CNTN5: variants seen among roughly 807,000 people sequenced by gnomAD.
CNTN5 encodes the protein contactin-5.
A neutral mutation model predicts 129.1 loss-of-function variants in CNTN5; 77 were observed. The ratio of observed to expected loss-of-function variants is 0.60; its 90% CI spans 0.50 to 0.72. The LOEUF (loss-of-function observed/expected upper bound fraction) is 0.72, where lower values mean the gene tolerates loss of function less well. Among genes scored for constraint, CNTN5 ranks in the 30% least tolerant of loss-of-function variants. CNTN5 has a pLI of 0.00. For missense variants in CNTN5, 1,478 were observed against 1,328.8 expected (o/e 1.11, Z -1.75); for synonymous variants, 509 against 465.6 (o/e 1.09, Z -1.20).
intron 3 of CNTN5, among the ~76,000 whole-genome samples, chr11:99,622,692 A>G (rs1950990500): frequency 6.6e-6 from 1 of 152,110 alleles, no homozygotes; most frequent in African/African-American, 2.4e-5. Flanking sequence ...ATTTCATTGT[A>G]TTCTTAAATT....
intron 9 of CNTN5, among the ~76,000 whole-genome samples, chr11:100,036,033 G>C (rs946035171): frequency 3.9e-5 from 6 of 152,224 alleles, no homozygotes; most frequent in Admixed American, 3.9e-4. Context: ...GAGACGTGAA[G>C]TCCTTGCCCA....
chr11:99,480,683 T>C (rs564593353), intron 2 of CNTN5, among the ~76,000 whole-genome samples: 1 of 152,308 alleles, frequency 6.6e-6, no homozygotes, highest in South Asian at 2.1e-4. Flanking sequence ...ACTATTGAAA[T>C]TCATAACTTC....
At chr11:99,858,787 A>G (rs1235943676) in intron 6 of CNTN5, among the ~76,000 whole-genome samples, 1 of 151,902 alleles carries the variant, frequency 6.6e-6, no homozygotes, top group Non-Finnish European at 1.5e-5. Context: ...AAATATTATT[A>G]CCAACTTGCA....
intron 1 of CNTN5, among the ~76,000 whole-genome samples, chr11:99,274,820 C>A (rs897176280): frequency 5.3e-5 from 8 of 151,334 alleles, no homozygotes; most frequent in African/African-American, 1.9e-4. Flanking sequence ...CTCCCAGATG[C>A]TGTAAGAAAA....
intron 7 of CNTN5, among the ~76,000 whole-genome samples, chr11:99,948,290 T>G (rs1950597863): frequency 6.6e-6 from 1 of 152,224 alleles, no homozygotes; most frequent in Non-Finnish European, 1.5e-5. Flanking sequence ...GCTTTTACAT[T>G]TATGAACATC....
At chr11:99,611,167 A>T (rs530840917) in intron 3 of CNTN5, among the ~76,000 whole-genome samples, 2 of 152,328 alleles carry the variant, frequency 1.3e-5, no homozygotes, top group East Asian at 3.9e-4. Context: ...GTACCTTCAT[A>T]CATCAAAAAG....
chr11:99,374,876 G>C (rs1403575537), intron 2 of CNTN5, among the ~76,000 whole-genome samples: 2 of 152,088 alleles, frequency 1.3e-5, no homozygotes, highest in African/African-American at 4.8e-5. Context: ...GTTGATACAC[G>C]GTGAAGGTTT....
chr11:99,122,200 G>A (rs570193063), intron 1 of CNTN5, among the ~76,000 whole-genome samples: 1 of 151,914 alleles, frequency 6.6e-6, no homozygotes, highest in Admixed American at 6.6e-5. Context: ...TTTCTGAGAA[G>A]GTCCATACAG....
intron 1 of CNTN5, among the ~76,000 whole-genome samples, chr11:99,044,432 C>A (rs112066642): frequency 6.6e-6 from 1 of 152,104 alleles, no homozygotes; most frequent in Non-Finnish European, 1.5e-5. Flanking sequence ...ATTTACAACA[C>A]CAAAAAGGGC....
intron 21 of CNTN5, among the ~76,000 whole-genome samples, chr11:100,314,818 G>C (rs1260249314): frequency 1.3e-5 from 2 of 152,122 alleles, no homozygotes; most frequent in Non-Finnish European, 2.9e-5. Context: ...TTTGGCTGCA[G>C]CCTGACTCTG....
chr11:100,232,712 G>A (rs763214037), intron 16 of CNTN5, among the ~76,000 whole-genome samples: 5 of 152,120 alleles, frequency 3.3e-5, no homozygotes, highest in Non-Finnish European at 7.4e-5. Context: ...GGCAGGCATC[G>A]AGCTATGATC....
At chr11:99,092,760 T>C (rs17132974) in intron 1 of CNTN5, among the ~76,000 whole-genome samples, 9,534 of 152,084 alleles carry the variant, frequency 0.063, 821 homozygotes, top group East Asian at 0.35. Context: ...GGAGCCATTT[T>C]TGTTATAGAT....
intron 4 of CNTN5, among the ~76,000 whole-genome samples, chr11:99,827,193 T>A (rs1946989745): frequency 6.6e-6 from 1 of 152,168 alleles, no homozygotes; most frequent in African/African-American, 2.4e-5. Context: ...GTTCAAGCGA[T>A]TCTCTAACGT....
Position 100,070,616 on chromosome 11 carries a change from G to A in CNTN5, c.1299+56G>A. ...TGTAATTTTAGCGAGATTTCACACAGGACAAACTAGGCTTCTTTAGTCTTA... is the reference window on the plus strand; with the variant it reads ...TGTAATTTTAGCGAGATTTCACACAAGACAAACTAGGCTTCTTTAGTCTTA... On this transcript the variant is annotated intron_variant, in intron 11 of 24. Coordinates refer to ENST00000524871, the MANE Select transcript of CNTN5 (RefSeq NM_014361.4). 3 of 1,537,390 alleles carry A rather than the reference G, an allele frequency of 2.0e-6. No individual in the cohort carries two copies. The South Asian group carries it at 3.4e-5, about 18-fold the overall frequency.
chr11:100,101,045 G>T (rs539949850), intron 13 of CNTN5, among the ~76,000 whole-genome samples: 1 of 152,150 alleles, frequency 6.6e-6, no homozygotes, highest in South Asian at 2.1e-4. Context: ...CAGAAGAAAA[G>T]AATACATTTC....
At chr11:99,325,723 A>C (rs538862279) in intron 2 of CNTN5, among the ~76,000 whole-genome samples, 1 of 152,324 alleles carries the variant, frequency 6.6e-6, no homozygotes, top group East Asian at 1.9e-4. Context: ...ACACAGTAAA[A>C]TATTTGTTCT....
intron 2 of CNTN5, among the ~76,000 whole-genome samples, 153 bp downstream of exon 2, chr11:99,325,637 T>A (rs1462950784): frequency 6.6e-6 from 1 of 152,228 alleles, no homozygotes; most frequent in Non-Finnish European, 1.5e-5. Context: ...TGATTTGTCT[T>A]TGAATTGAAA....
intron 1 of CNTN5, among the ~76,000 whole-genome samples, chr11:99,076,064 T>G (rs192049210): frequency 1.3e-5 from 2 of 152,296 alleles, no homozygotes; most frequent in Middle Eastern, 3.4e-3. Context: ...CCAGGCACAG[T>G]GGCTCACGCC....
chr11:99,271,207 T>C (rs915896002), intron 1 of CNTN5, among the ~76,000 whole-genome samples: 2 of 151,952 alleles, frequency 1.3e-5, no homozygotes, highest in African/African-American at 4.8e-5. Context: ...TTATGAATTC[T>C]GAAGTGGGAG....
Sources: gnomAD v4.1 joint callset for allele counts (sites outside exome capture counted in the v4.1 genomes callset) on GRCh38, gnomAD v4.1.1 for gene constraint, MANE v1.5 for transcripts, NCBI Gene and HGNC (gene_info 2026-07-23, HGNC 2026-07-21) for gene names.